The following MSI2 variants were observed in gnomAD, a reference collection of about 807,000 sequenced individuals.
MSI2 encodes the protein RNA-binding protein Musashi homolog 2.
In MSI2, 17 loss-of-function variants were observed where a neutral mutation model predicts 45.6. That is an observed-to-expected ratio of 0.37 (90% CI 0.26 to 0.56). The LOEUF (loss-of-function observed/expected upper bound fraction) is 0.56. MSI2 is among the 20% of genes least tolerant of loss of function. MSI2 has a pLI of 0.77. For synonymous variants in MSI2, 156 were observed against 158.2 expected (o/e 0.99, Z 0.11); for missense variants, 293 against 444.2 (o/e 0.66, Z 3.06).
intron 13 of MSI2, among the ~76,000 whole-genome samples, chr17:57,679,129 T>A (rs369554296): frequency 2.0e-5 from 3 of 151,870 alleles, no homozygotes; most frequent in Admixed American, 6.6e-5. Flanking sequence ...GTTTGTGGGG[T>A]TTTTTTTGTT....
chr17:57,356,252 A>AT (rs2143869016), intron 5 of MSI2, among the ~76,000 whole-genome samples: 1 of 152,302 alleles, frequency 6.6e-6, no homozygotes, highest in Non-Finnish European at 1.5e-5. Flanking sequence ...CTACCCACAC[A>AT]TACCAGATCT....
chr17:57,361,743 A>T (rs1916828597), intron 5 of MSI2, among the ~76,000 whole-genome samples: 1 of 152,082 alleles, frequency 6.6e-6, no homozygotes, highest in Admixed American at 6.6e-5. Context: ...AAGAAGAGGG[A>T]TGGTTTTGCT....
intron 6 of MSI2, among the ~76,000 whole-genome samples, chr17:57,517,701 C>G (rs945406964): frequency 6.6e-6 from 1 of 152,164 alleles, no homozygotes; most frequent in Admixed American, 6.5e-5. Context: ...GAATCAAAGG[C>G]TGGTACCTTC....
chr17:57,496,760 A>G (rs2059792848), intron 6 of MSI2, among the ~76,000 whole-genome samples: 2 of 152,236 alleles, frequency 1.3e-5, no homozygotes, highest in Non-Finnish European at 2.9e-5. Context: ...CAGCACCTGA[A>G]CAGGGCAGGG....
At chr17:57,646,043 G>C (rs1910633088) in intron 10 of MSI2, among the ~76,000 whole-genome samples, 1 of 152,152 alleles carries the variant, frequency 6.6e-6, no homozygotes, top group Non-Finnish European at 1.5e-5. Flanking sequence ...TTTACCCAGA[G>C]CAGTGACTCC....
intron 11 of MSI2, among the ~76,000 whole-genome samples, chr17:57,667,851 T>G (rs1262073235): frequency 6.6e-6 from 1 of 152,162 alleles, no homozygotes; most frequent in Non-Finnish European, 1.5e-5. Context: ...CCACCCAGCC[T>G]GGCCTTGGGG....
chr17:57,521,176 G>A (rs1479446570), intron 6 of MSI2, among the ~76,000 whole-genome samples: 1 of 152,228 alleles, frequency 6.6e-6, no homozygotes, highest in Non-Finnish European at 1.5e-5. Flanking sequence ...CACAGGGACA[G>A]AAAGGCTGGC....
In MSI2 at chr17:57,617,406, G is replaced by T. The variant is rs115673319; in HGVS notation, c.652+1322G>T. Among the ~76,000 whole-genome samples the T allele has an allele frequency of 1.7e-3, 259 of 152,202 alleles. 1 individual carries two copies. The highest frequency in any genetic ancestry group is 5.4e-3 in the African/African-American group (223 of 41,550). On this transcript the variant is annotated intron_variant, in intron 9 of 13. Transcript: ENST00000284073. The stretch of plus-strand genomic sequence containing the variant: ...ACCAACAGTGAGAATGTAACACAAA[G>T]CTACAGTAACTAAAACAGTATGGTA...
chr17:57,399,511 T>G (rs1372425899), intron 5 of MSI2, among the ~76,000 whole-genome samples: 2 of 148,700 alleles, frequency 1.3e-5, no homozygotes, highest in Non-Finnish European at 3.0e-5. Flanking sequence ...GTCTACGAGC[T>G]CCAAGTTTGG....
intron 6 of MSI2, among the ~76,000 whole-genome samples, chr17:57,468,785 C>G (rs1484039988): frequency 6.6e-6 from 1 of 152,084 alleles, no homozygotes. Flanking sequence ...TCCGGGCATC[C>G]TGTGAGCTCT....
intron 5 of MSI2, among the ~76,000 whole-genome samples, chr17:57,333,803 A>AC (rs1424193026): frequency 1.3e-5 from 2 of 151,956 alleles, no homozygotes; most frequent in Non-Finnish European, 2.9e-5. Context: ...GAAAAAAAAA[A>AC]CAAAAAGATT....
chr17:57,578,817 G>C (rs2088122147), intron 7 of MSI2, among the ~76,000 whole-genome samples: 2 of 152,082 alleles, frequency 1.3e-5, no homozygotes, highest in Admixed American at 6.5e-5. Context: ...AACCCTCTGG[G>C]ACTGGTGGGT....
intron 5 of MSI2, among the ~76,000 whole-genome samples, chr17:57,334,516 G>A (rs1400102965): frequency 2.6e-5 from 4 of 152,162 alleles, no homozygotes; most frequent in South Asian, 2.1e-4. Context: ...TCCTCTGGCC[G>A]GGTGCGATGG....
chr17:57,579,256 G>A (rs2088134890), intron 7 of MSI2, among the ~76,000 whole-genome samples: 1 of 152,208 alleles, frequency 6.6e-6, no homozygotes, highest in African/African-American at 2.4e-5. Context: ...GGTCTCTGTG[G>A]CCAAGTGGCA....
chr17:57,697,150 A>ACACACATACACACT, the MSI2 span, among the ~76,000 whole-genome samples: 1 of 150,558 alleles, frequency 6.6e-6, no homozygotes, highest in Non-Finnish European at 1.5e-5. Flanking sequence ...CAGGACACAC[A>ACACACATACACACT]CACACACACA....
chr17:57,599,902 C>A (rs1905680447), intron 8 of MSI2, among the ~76,000 whole-genome samples: 1 of 152,166 alleles, frequency 6.6e-6, no homozygotes, highest in Admixed American at 6.5e-5. Context: ...AGCACAGTGT[C>A]TGCACAGGGT....
intron 7 of MSI2, among the ~76,000 whole-genome samples, chr17:57,538,445 C>T (rs2086969691): frequency 6.6e-6 from 1 of 152,196 alleles, no homozygotes; most frequent in Admixed American, 6.5e-5. Flanking sequence ...TACTCGGTTT[C>T]AGATCCCAGC....
chr17:57,458,363 G>C (rs1201179100), intron 6 of MSI2, among the ~76,000 whole-genome samples: 4 of 152,184 alleles, frequency 2.6e-5, no homozygotes, highest in African/African-American at 9.7e-5. Flanking sequence ...GCCTCCCAAA[G>C]TGCTGGGATT....
At position 57,552,538 on chromosome 17, in the gene MSI2, T is replaced by C. The variant is rs1598393841; in HGVS notation, c.454+22814T>C. Among the ~76,000 whole-genome samples the C allele has an allele frequency of 6.6e-6, 1 of 152,130 alleles. No homozygotes were observed. Among genetic ancestry groups the C allele is most frequent in the African/African-American group, 2.4e-5 (1 of 41,418 alleles). On this transcript the variant is annotated intron_variant, in intron 7 of 13. Coordinates refer to ENST00000284073, the MANE Select transcript of MSI2 (RefSeq NM_138962.4). This position sits in a 1 kb window ranked among gnomAD's most constrained non-coding sequence, Gnocchi z 4.3. Reference sequence around the variant, plus strand: ...CCCCGGAGGTCTTGGCTCATGGGCTTTCTTGATCTCTGAGTGTCTTTTTTA... The same window carrying C: ...CCCCGGAGGTCTTGGCTCATGGGCTCTCTTGATCTCTGAGTGTCTTTTTTA...
Sources: allele counts gnomAD v4.1 joint callset (sites outside exome capture counted in the v4.1 genomes callset), GRCh38; gene constraint gnomAD v4.1.1; non-coding constraint Gnocchi (gnomAD v3.1); transcripts MANE v1.5; gene names NCBI Gene and HGNC (gene_info 2026-07-23, HGNC 2026-07-21).